PIWIL3: variants seen among roughly 807,000 people sequenced by gnomAD.
The protein encoded by PIWIL3 is piwi like RNA-mediated gene silencing 3, also known as piwi-like protein 3.
Under a neutral mutation model 109.7 loss-of-function variants are expected in PIWIL3, and 101 were observed. The ratio of observed to expected loss-of-function variants is 0.92; its 90% CI spans 0.78 to 1.09. The LOEUF (loss-of-function observed/expected upper bound fraction) is 1.09, where lower values mean the gene tolerates loss of function less well. PIWIL3 is among the 50% of genes least tolerant of loss of function. PIWIL3 has a pLI of 0.00. For synonymous variants in PIWIL3, 373 were observed against 376.4 expected (o/e 0.99, Z 0.10); for missense variants, 1,031 against 1,072.6 (o/e 0.96, Z 0.54).
At chr22:24,755,530 G>A (rs968574360) in intron 6 of PIWIL3, among the ~76,000 whole-genome samples, 2 of 152,010 alleles carry the variant, frequency 1.3e-5, no homozygotes, top group African/African-American at 4.8e-5. Context: ...CACAGCTGAT[G>A]TCTATTACTC....
Position 24,771,250 on chromosome 22 carries a change from C to G in PIWIL3, c.-23+3072G>C, listed in dbSNP as rs1387251107. Among the ~76,000 whole-genome samples the G allele has an allele frequency of 2.6e-5, 4 of 152,068 alleles. No individual in the cohort carries two copies. The East Asian group carries it at 7.7e-4, about 29-fold the overall frequency. On this transcript the variant is annotated intron_variant, in intron 1 of 20. Coordinates refer to ENST00000616349, the MANE Select transcript of PIWIL3 (RefSeq NM_001255975.1). ...GGCTGAGGCGAGCGAATCATGAGGT[C>G]AGGAGATCGAGACCATCCTGGCTAC...
In PIWIL3 at chr22:24,755,923, C is replaced by A. The variant is rs5760623; in HGVS notation, c.571-18G>T. The A allele has an allele frequency of 0.41, 631,184 of 1,534,834 alleles. 124,072 individuals are homozygous for A. The highest frequency in any genetic ancestry group is 0.5 in the East Asian group (21,643 of 43,268). ...TCCACTCTCTGAGATTAAAAAAAAA[C>A]AAAAAAAAAAGTCCAGATATTCTTC... On this transcript the variant is annotated intron_variant, in intron 5 of 20. Transcript: ENST00000616349.
chr22:24,745,440 G>A (rs1333578978), intron 12 of PIWIL3, among the ~76,000 whole-genome samples: 1 of 151,944 alleles, frequency 6.6e-6, no homozygotes, highest in Non-Finnish European at 1.5e-5. Context: ...GCTGGGACTC[G>A]GGAGACTGAG....
At position 24,725,463 on chromosome 22, in the gene PIWIL3, GCT is replaced by G; in HGVS notation, c.2060_2061del (p.Glu687AlafsTer14). 1 of 1,613,970 alleles carries G rather than the reference GCT, an allele frequency of 6.2e-7. No individual in the cohort carries two copies. Among genetic ancestry groups the G allele is most frequent in the Non-Finnish European group, 8.5e-7 (1 of 1,180,044 alleles). Reference sequence around the variant, plus strand: ...CACTGACCTTTCAAGCAGATCTCCAGCTCTTTCACAAGCTCTTCTCCTGTTTT... The same window carrying G: ...CACTGACCTTTCAAGCAGATCTCCAGCTTTCACAAGCTCTTCTCCTGTTTT... ...IQKTGEELVK[E>X]LEICLKAALD... On this transcript the variant is annotated frameshift_variant, in exon 17 of 21. Transcript: ENST00000616349. LOFTEE classifies it high-confidence loss of function.
At chr22:24,723,600 C>G (rs983789361) in intron 18 of PIWIL3, among the ~76,000 whole-genome samples, 1 of 152,190 alleles carries the variant, frequency 6.6e-6, no homozygotes, top group East Asian at 1.9e-4. Flanking sequence ...CACCAGCTGG[C>G]TCCTCCAGCC....
At chr22:24,759,649 A>G (rs1925293006) in intron 3 of PIWIL3, among the ~76,000 whole-genome samples, 1 of 152,236 alleles carries the variant, frequency 6.6e-6, no homozygotes, top group Non-Finnish European at 1.5e-5. Context: ...TGGCCAATAA[A>G]CAGTGACCTC....
At chr22:24,760,889 G>A (rs1262397232) in intron 2 of PIWIL3, among the ~76,000 whole-genome samples, 1 of 151,364 alleles carries the variant, frequency 6.6e-6, no homozygotes, top group Non-Finnish European at 1.5e-5. Context: ...CAAGGAAATA[G>A]CAAGGGATGT....
At chr22:24,759,430 C>A (rs1925280311) in intron 3 of PIWIL3, among the ~76,000 whole-genome samples, 1 of 152,148 alleles carries the variant, frequency 6.6e-6, no homozygotes, top group South Asian at 2.1e-4. Flanking sequence ...TAGCCGAAAC[C>A]TTAGCAAATG....
At chr22:24,747,294 A>G (rs184577109) in intron 12 of PIWIL3, among the ~76,000 whole-genome samples, 8 of 152,268 alleles carry the variant, frequency 5.3e-5, no homozygotes, top group African/African-American at 1.9e-4. Flanking sequence ...CTCACCATAT[A>G]TTAAAAAAAA....
chr22:24,735,697 G>A lies in PIWIL3; in HGVS notation c.1634+11C>T. 2.6e-6 allele frequency: 4 copies of A among 1,565,484 alleles called. No individual in the cohort carries two copies. Among genetic ancestry groups the A allele is most frequent in the Non-Finnish European group, 3.4e-6 (4 of 1,160,314 alleles). ...AATCGATTTTCAAATGGGAATTTCT[G>A]CTCTACTTACATTTCTGCTGGTTTC... On this transcript the variant is annotated intron_variant, in intron 13 of 20. Transcript: ENST00000616349.
intron 13 of PIWIL3, among the ~76,000 whole-genome samples, chr22:24,735,036 G>GGTAAAAAAATAAAAAA (rs1923581403): frequency 6.6e-6 from 1 of 150,946 alleles, no homozygotes; most frequent in Admixed American, 6.6e-5. Context: ...CCATGGAGAC[G>GGTAAAAAAATAAAAAA]GTAAAAAAAT....
intron 19 of PIWIL3, among the ~76,000 whole-genome samples, chr22:24,720,512 C>T (rs1236237470): frequency 6.6e-6 from 1 of 152,118 alleles, no homozygotes; most frequent in Non-Finnish European, 1.5e-5. Context: ...ACCTCATGAT[C>T]TGCCTGCCTC....
Position 24,755,807 on chromosome 22 carries a change from G to A in PIWIL3, c.669C>T (p.Arg223=), listed in dbSNP as rs1924990753. 2.5e-6 allele frequency: 4 copies of A among 1,614,038 alleles called. No homozygotes were observed. The highest frequency in any genetic ancestry group is 1.7e-5 in the Admixed American group (1 of 60,016). Residue 223 remains arginine, a synonymous_variant, in exon 6 of 21, where the codon CGC becomes CGT. Coordinates refer to ENST00000616349, the MANE Select transcript of PIWIL3 (RefSeq NM_001255975.1). ...ACCTTCTAAAGAGAATGTTGTAATA[G>A]CGTAGGCAATCTGGCGACGTGGGCG... ...ELTPTSPDCL[R]YYNILFRRTF...
chr22:24,742,214 G>A (rs1049561512), intron 12 of PIWIL3, among the ~76,000 whole-genome samples: 1 of 144,558 alleles, frequency 6.9e-6, no homozygotes, highest in Non-Finnish European at 1.5e-5. Context: ...ACCTCTATAA[G>A]GAAAACTACA....
intron 2 of PIWIL3, 145 bp from the exon 3 acceptor site, chr22:24,760,134 C>A: frequency 9.0e-7 from 1 of 1,105,960 alleles, no homozygotes; most frequent in Non-Finnish European, 1.3e-6. Flanking sequence ...TAATAAGCAA[C>A]ATACATAGCA....
At position 24,756,507 on chromosome 22, in the gene PIWIL3, C is replaced by T. The variant is rs754903793; in HGVS notation, c.554G>A (p.Arg185Gln). The T allele has an allele frequency of 1.1e-5, 18 of 1,613,408 alleles. No homozygotes were observed. The highest frequency in any genetic ancestry group is 8.3e-5 in the Admixed American group (5 of 59,984). ...TTACTTAACCCGCTCTTTTAGTGGCCGAGATAATAATAAAGAGTTTCCATC... is the reference window on the plus strand; with the variant it reads ...TTACTTAACCCGCTCTTTTAGTGGCTGAGATAATAATAAAGAGTTTCCATC... The part of the protein sequence containing the change: ...IFDGNSLLLS[R>Q]PLKERRVEWL... Residue 185 changes from arginine to glutamine, a missense_variant, in exon 5 of 21, where the codon CGG (arginine) becomes CAG (glutamine). Transcript: ENST00000616349.
chr22:24,772,447 C>T (rs1476183600), intron 1 of PIWIL3, among the ~76,000 whole-genome samples: 1 of 152,168 alleles, frequency 6.6e-6, no homozygotes, highest in Non-Finnish European at 1.5e-5. Context: ...CAGGTGATAT[C>T]ATCTCTCTGA....
rs149710866 is a variant in PIWIL3 at position 24,723,412 on chromosome 22, C to A, written c.2232-157G>T. The stretch of plus-strand genomic sequence containing the variant: ...TTTTACTGTCTAAGCTCCATGTGCC[C>A]GGTTGAAGCAGTAAATGGGGAGGTA... On this transcript the variant is annotated intron_variant, in intron 18 of 20. Transcript: ENST00000616349. Among the ~76,000 whole-genome samples the A allele has an allele frequency of 5.5e-3, 833 of 152,258 alleles. 6 individuals carry two copies. The highest frequency in any genetic ancestry group is 0.018 in the African/African-American group (761 of 41,554).
intron 12 of PIWIL3, among the ~76,000 whole-genome samples, chr22:24,738,928 C>T (rs1457525581): frequency 6.6e-6 from 1 of 152,000 alleles, no homozygotes; most frequent in Non-Finnish European, 1.5e-5. Context: ...ACCTTTCGGA[C>T]AACTCAAAAT....
Sources: allele counts gnomAD v4.1 joint callset (sites outside exome capture counted in the v4.1 genomes callset), GRCh38; gene constraint gnomAD v4.1.1; transcripts MANE v1.5; gene names NCBI Gene and HGNC (gene_info 2026-07-23, HGNC 2026-07-21).